SORCS1: variants seen among roughly 807,000 people sequenced by gnomAD.
SORCS1 encodes the protein VPS10 domain-containing receptor SorCS1.
A neutral mutation model predicts 146.1 loss-of-function variants in SORCS1; 60 were observed. That is an observed-to-expected ratio of 0.41 (90% confidence interval 0.33 to 0.51). The LOEUF (loss-of-function observed/expected upper bound fraction) is 0.51. Among genes scored for constraint, SORCS1 ranks in the 20% least tolerant of loss-of-function variants. SORCS1 has a pLI of 0.21. For missense variants in SORCS1, 1,352 were observed against 1,487.6 expected (o/e 0.91, Z 1.50); for synonymous variants, 637 against 584.0 (o/e 1.09, Z -1.31).
chr10:107,033,907 C>T (rs1355273589), intron 1 of SORCS1, among the ~76,000 whole-genome samples: 4 of 152,162 alleles, frequency 2.6e-5, no homozygotes, highest in Non-Finnish European at 5.9e-5. Context: ...GGTGAGCCTC[C>T]ACATAAAGAA....
intron 18 of SORCS1, among the ~76,000 whole-genome samples, chr10:106,648,149 C>T (rs1398271083): frequency 6.6e-6 from 1 of 152,080 alleles, no homozygotes; most frequent in Non-Finnish European, 1.5e-5. Flanking sequence ...CGCACCATTC[C>T]TATATCTACC....
At chr10:106,826,032 T>TC (rs1478068945) in intron 3 of SORCS1, among the ~76,000 whole-genome samples, 10 of 152,366 alleles carry the variant, frequency 6.6e-5, no homozygotes, top group African/African-American at 2.4e-4. Context: ...AGTCGATGGA[T>TC]GATCATTAAT....
intron 4 of SORCS1, among the ~76,000 whole-genome samples, chr10:106,769,328 T>C (rs763655440): frequency 2.0e-5 from 3 of 151,426 alleles, no homozygotes; most frequent in African/African-American, 7.3e-5. Flanking sequence ...TACTAAAAAA[T>C]ACAAAAATTA....
intron 3 of SORCS1, among the ~76,000 whole-genome samples, chr10:106,788,975 A>G (rs370911489): frequency 1.3e-5 from 2 of 152,236 alleles, no homozygotes; most frequent in Non-Finnish European, 2.9e-5. Flanking sequence ...GCATTTCCAT[A>G]CATCCTCTAA....
chr10:106,917,477 C>T (rs17121763), intron 2 of SORCS1, among the ~76,000 whole-genome samples: 7,935 of 152,172 alleles, frequency 0.052, 220 homozygotes, highest in South Asian at 0.073. Flanking sequence ...TGTTTAGTAT[C>T]CCCGATGGTA....
chr10:107,131,317 A>G (rs1175609167), intron 1 of SORCS1, among the ~76,000 whole-genome samples: 1 of 152,082 alleles, frequency 6.6e-6, no homozygotes, highest in African/African-American at 2.4e-5. Context: ...TCCAAGTCTT[A>G]CCTCTTTTTT....
At chr10:107,032,205 T>C (rs12219276) in intron 1 of SORCS1, among the ~76,000 whole-genome samples, 40,157 of 152,082 alleles carry the variant, frequency 0.26, 6,353 homozygotes, top group Admixed American at 0.37. Flanking sequence ...ACATGTCCAT[T>C]AGTAAGAACT....
intron 3 of SORCS1, among the ~76,000 whole-genome samples, chr10:106,806,502 A>G (rs1947185459): frequency 1.6e-5 from 2 of 127,944 alleles, no homozygotes; most frequent in South Asian, 2.6e-4. Context: ...TGAGAGAGGA[A>G]GCCTTTTTTT....
At chr10:107,177,401 A>G in the SORCS1 span, among the ~76,000 whole-genome samples, 3 of 152,316 alleles carry the variant, frequency 2.0e-5, no homozygotes, top group Non-Finnish European at 4.4e-5. Flanking sequence ...CAGGATATTG[A>G]TATTATGACA....
chr10:106,649,292 A>C (rs980324969), intron 18 of SORCS1, among the ~76,000 whole-genome samples: 2 of 151,994 alleles, frequency 1.3e-5, no homozygotes, highest in African/African-American at 4.8e-5. Context: ...AGCTGTAAAC[A>C]TTCACCCCTA....
chr10:107,151,487 G>C lies in SORCS1; in HGVS notation c.558+12482C>G, dbSNP rs537901681. ...ATGGTGGGAGGTAAAAGGCATTTTT[G>C]GTGGCAGCGAGAGAAAATGAGGAAG... On this transcript the variant is annotated intron_variant, in intron 1 of 25. Coordinates refer to ENST00000263054, the MANE Select transcript of SORCS1 (RefSeq NM_052918.5). Among the ~76,000 whole-genome samples, 27 of 152,118 alleles carry C rather than the reference G, an allele frequency of 1.8e-4. No individual in the cohort carries two copies. In the South Asian group the frequency reaches 5.6e-3, roughly 32 times the overall value.
intron 2 of SORCS1, among the ~76,000 whole-genome samples, chr10:106,850,128 C>G (rs1359281560): frequency 2.0e-5 from 3 of 151,766 alleles, no homozygotes; most frequent in Non-Finnish European, 3.0e-5. Context: ...TTCGAGCTTC[C>G]CGGCTGCTTT....
chr10:106,593,705 A>G (rs1458046307), intron 24 of SORCS1, among the ~76,000 whole-genome samples: 5 of 152,202 alleles, frequency 3.3e-5, no homozygotes, highest in Non-Finnish European at 7.3e-5. Flanking sequence ...GATTTCTACA[A>G]TGGTTGGAAG....
chr10:106,820,506 T>G (rs1439060720), intron 3 of SORCS1, among the ~76,000 whole-genome samples: 1 of 152,144 alleles, frequency 6.6e-6, no homozygotes, highest in Non-Finnish European at 1.5e-5. Flanking sequence ...AAAGAAATGT[T>G]TGAATGGAAA....
At chr10:106,639,638 A>G (rs559070081) in intron 18 of SORCS1, among the ~76,000 whole-genome samples, 164 of 152,290 alleles carry the variant, frequency 1.1e-3, no homozygotes, top group Non-Finnish European at 1.8e-3. Flanking sequence ...ACCTTACTAG[A>G]GTCAAAGAGA....
chr10:106,889,854 C>T (rs1951157633), intron 2 of SORCS1, among the ~76,000 whole-genome samples: 1 of 141,982 alleles, frequency 7.0e-6, no homozygotes, highest in African/African-American at 2.8e-5. Flanking sequence ...CACTGTACTC[C>T]AGCCTGGGTG....
chr10:107,164,694 G>T lies in SORCS1; in HGVS notation c.-168C>A, dbSNP rs938664298. ...CCGGGCAGGTGGCGGCCGCTTGCCC[G>T]GGCTGGGCTTGTGCCGAGCGCGGGT... On this transcript the variant is annotated 5_prime_UTR_variant, in exon 1 of 26. Coordinates refer to ENST00000263054, the MANE Select transcript of SORCS1 (RefSeq NM_052918.5). This position sits in a 1 kb window ranked among gnomAD's most constrained non-coding sequence, Gnocchi z 6.8. 1.3e-5 allele frequency among the ~76,000 whole-genome samples: 2 copies of T among 150,692 alleles called. No individual in the cohort carries two copies. The highest frequency in any genetic ancestry group is 1.3e-4 in the Admixed American group (2 of 15,136).
At chr10:107,179,903 A>ATTTT in the SORCS1 span, among the ~76,000 whole-genome samples, 1 of 73,394 alleles carries the variant, frequency 1.4e-5, no homozygotes, top group African/African-American at 5.0e-5. Context: ...CACAAAACAG[A>ATTTT]CTTTTTTTTT....
chr10:106,776,446 C>A, intron 4 of SORCS1, 88 bp downstream of exon 4: 1 of 1,526,204 alleles, frequency 6.6e-7, no homozygotes, highest in Non-Finnish European at 8.9e-7. Flanking sequence ...AAAATGATCA[C>A]TGAGGTGAAA....
Sources: allele counts gnomAD v4.1 joint callset (sites outside exome capture counted in the v4.1 genomes callset), GRCh38; gene constraint gnomAD v4.1.1; non-coding constraint Gnocchi (gnomAD v3.1); transcripts MANE v1.5; gene names NCBI Gene and HGNC (gene_info 2026-07-23, HGNC 2026-07-21).